ENPP6: variants seen among roughly 807,000 people sequenced by gnomAD.
ENPP6 encodes the protein glycerophosphocholine cholinephosphodiesterase ENPP6.
ENPP6 carries 32 observed loss-of-function variants against 42.0 expected under a neutral mutation model. The observed-to-expected ratio is 0.76, with a 90% CI of 0.58 to 1.02. The LOEUF is 1.02. Ranked by LOEUF, ENPP6 falls within the 50% of genes least tolerant of loss-of-function variation. The pLI, the probability that ENPP6 is intolerant of heterozygous loss-of-function variation, is 0.00. For synonymous variants in ENPP6, 213 were observed against 216.0 expected, an observed-to-expected ratio of 0.99 and a Z score of 0.12; for missense variants, 552 against 566.8, an observed-to-expected ratio of 0.97 and a Z score of 0.27.
At chr4:184,185,865 G>A (rs1308764281) in intron 1 of ENPP6, among the ~76,000 whole-genome samples, 1 of 152,088 alleles carries the variant, frequency 6.6e-6, no homozygotes, top group African/African-American at 2.4e-5. Context: ...ATTCTTTTTT[G>A]GCCATTGAGA....
rs958833523 is a variant in ENPP6 at position 184,208,397 on chromosome 4, C to T, written c.241+9182G>A. On this transcript the variant is annotated intron_variant, in intron 1 of 7. Transcript: ENST00000296741. ...GTGGGTGCGCGCACCCTGCGCGAGC[C>T]GAAGCGGGGCGAGGCATTGCCTCAC... Among the ~76,000 whole-genome samples the T allele has an allele frequency of 7.9e-5, 12 of 152,260 alleles. No individual in the cohort carries two copies. In the South Asian group the frequency reaches 8.3e-4, roughly 11 times the overall value.
chr4:184,146,525 T>C lies in ENPP6; in HGVS notation c.421+7029A>G, dbSNP rs1246014159. ...AACAATGCATCCTTGCTACACAAAG[T>C]CAGAAATTATAATGTTAAAGAAATG... is the stretch of plus-strand genomic sequence containing the variant. On this transcript the variant is annotated intron_variant, in intron 2 of 7. Coordinates refer to ENST00000296741, the MANE Select transcript of ENPP6 (RefSeq NM_153343.4). 2.0e-5 allele frequency among the ~76,000 whole-genome samples: 3 copies of C among 152,040 alleles called. 1 individual carries two copies. The highest frequency in any genetic ancestry group is 2.0e-4 in the Admixed American group (3 of 15,258).
At chr4:184,109,624 C>A (rs1347481854) in intron 6 of ENPP6, among the ~76,000 whole-genome samples, 1 of 152,156 alleles carries the variant, frequency 6.6e-6, no homozygotes, top group Non-Finnish European at 1.5e-5. Flanking sequence ...TATCTTATTT[C>A]TGATGTTCTT....
intron 6 of ENPP6, among the ~76,000 whole-genome samples, chr4:184,104,251 C>T (rs1033580212): frequency 4.6e-5 from 7 of 152,214 alleles, no homozygotes; most frequent in Non-Finnish European, 1.5e-5. Context: ...TATTTTGAGT[C>T]CAGGCCTCAC....
At chr4:184,117,401 CA>C (rs1194404217) in intron 4 of ENPP6, among the ~76,000 whole-genome samples, 1 of 152,190 alleles carries the variant, frequency 6.6e-6, no homozygotes, top group Non-Finnish European at 1.5e-5. Flanking sequence ...AAGGTAAAAA[CA>C]AAACTGAACA....
chr4:184,110,971 C>T (rs1467036999), intron 6 of ENPP6, among the ~76,000 whole-genome samples: 1 of 152,126 alleles, frequency 6.6e-6, no homozygotes, highest in Admixed American at 6.5e-5. Flanking sequence ...ACTGAGAGGA[C>T]TCAGGGCTGA....
In ENPP6 at chr4:184,112,767, C is replaced by T. The variant is rs150195560; in HGVS notation, c.898G>A (p.Glu300Lys). 3.2e-5 allele frequency: 51 copies of T among 1,614,096 alleles called. No homozygotes were observed. In the African/African-American group the frequency reaches 4.4e-4, roughly 14 times the overall value. Residue 300 changes from glutamate to lysine, a missense_variant, in exon 6 of 8, where the codon GAG becomes AAG. By Grantham distance (56) the Glu-to-Lys change is moderately conservative. Transcript: ENST00000296741. ...LSTVEHMTVY[E>K]KEAIPSRFYY... ...AACCTGCTTGGGATGGCTTCTTTCT[C>T]GTAGACAGTCATGTGTTCCACTGTG... is the stretch of plus-strand genomic sequence containing the variant.
intron 1 of ENPP6, among the ~76,000 whole-genome samples, chr4:184,197,394 GAGT>G (rs1264152177): frequency 6.6e-6 from 1 of 152,254 alleles, no homozygotes; most frequent in Non-Finnish European, 1.5e-5. Context: ...AGCATTGAAA[GAGT>G]AGAGTACTCA....
At chr4:184,110,634 C>T (rs1015030306) in intron 6 of ENPP6, among the ~76,000 whole-genome samples, 3 of 152,104 alleles carry the variant, frequency 2.0e-5, no homozygotes, top group Non-Finnish European at 2.9e-5. Context: ...AATGTCCTGA[C>T]GGGATATGAT....
chr4:184,118,520 G>T (rs898717470), intron 3 of ENPP6, among the ~76,000 whole-genome samples: 1 of 152,168 alleles, frequency 6.6e-6, no homozygotes, highest in African/African-American at 2.4e-5. Flanking sequence ...GTGGCTTTTG[G>T]TCAGGAAGCT....
intron 2 of ENPP6, among the ~76,000 whole-genome samples, chr4:184,130,958 A>G (rs1281676246): frequency 1.3e-5 from 2 of 152,226 alleles, no homozygotes; most frequent in Non-Finnish European, 2.9e-5. Flanking sequence ...GTTCAAATAT[A>G]GTAGATAATG....
chr4:184,094,741 G>T (rs1289421503), intron 7 of ENPP6, among the ~76,000 whole-genome samples: 8 of 152,386 alleles, frequency 5.2e-5, no homozygotes, highest in Non-Finnish European at 8.8e-5. Context: ...TCCCAGTGGG[G>T]CTTGCTAGCT....
At chr4:184,152,782 C>T (rs932607787) in intron 2 of ENPP6, among the ~76,000 whole-genome samples, 1 of 152,196 alleles carries the variant, frequency 6.6e-6, no homozygotes, top group East Asian at 1.9e-4. Flanking sequence ...GTTTGCATGA[C>T]TACTTACCTC....
At chr4:184,145,596 C>T (rs775362989) in intron 2 of ENPP6, among the ~76,000 whole-genome samples, 2 of 152,208 alleles carry the variant, frequency 1.3e-5, no homozygotes, top group Admixed American at 6.5e-5. Context: ...TGGCACATTC[C>T]GACTGTGCCC....
intron 1 of ENPP6, among the ~76,000 whole-genome samples, chr4:184,200,931 T>G (rs1199967572): frequency 6.6e-6 from 1 of 152,178 alleles, no homozygotes; most frequent in African/African-American, 2.4e-5. Context: ...AGTAAAGATC[T>G]TCAGTATCCT....
At chr4:184,182,495 G>T (rs1036906788) in intron 1 of ENPP6, among the ~76,000 whole-genome samples, 5 of 152,044 alleles carry the variant, frequency 3.3e-5, no homozygotes, top group African/African-American at 1.2e-4. Flanking sequence ...TTTGACCCAG[G>T]ATTCCTATTA....
At chr4:184,134,476 C>G (rs939130951) in intron 2 of ENPP6, among the ~76,000 whole-genome samples, 1 of 152,182 alleles carries the variant, frequency 6.6e-6, no homozygotes, top group South Asian at 2.1e-4. Flanking sequence ...GATGTTTCCC[C>G]TAGCAATCTG....
At chr4:184,177,291 C>T (rs1737580700) in intron 1 of ENPP6, among the ~76,000 whole-genome samples, 1 of 152,236 alleles carries the variant, frequency 6.6e-6, no homozygotes. Context: ...ACCCATCCCT[C>T]CTCACCAGAT....
chr4:184,134,019 T>C (rs1736687419), intron 2 of ENPP6, among the ~76,000 whole-genome samples: 1 of 152,110 alleles, frequency 6.6e-6, no homozygotes, highest in Non-Finnish European at 1.5e-5. Flanking sequence ...TGCAAATACT[T>C]TGTTTCTAAT....
Sources: allele counts gnomAD v4.1 joint callset (sites outside exome capture counted in the v4.1 genomes callset), GRCh38; gene constraint gnomAD v4.1.1; transcripts MANE v1.5; gene names NCBI Gene and HGNC (gene_info 2026-07-23, HGNC 2026-07-21).